SHISA9: variants seen among roughly 807,000 people sequenced by gnomAD.
SHISA9 encodes shisa family member 9.
In SHISA9, 13 loss-of-function variants were observed where a neutral mutation model predicts 38.0. The observed-to-expected ratio is 0.34, with a 90% CI of 0.22 to 0.54. SHISA9 has a LOEUF of 0.54. Ranked by LOEUF, SHISA9 falls within the 20% of genes least tolerant of loss-of-function variation. The pLI is 0.91. For missense variants in SHISA9, 538 were observed against 575.8 expected (o/e 0.93, Z 0.67); for synonymous variants, 275 against 242.0 (o/e 1.14, Z -1.27).
chr16:13,304,770 C>G, the SHISA9 span, among the ~76,000 whole-genome samples: 1 of 152,154 alleles, frequency 6.6e-6, no homozygotes, highest in African/African-American at 2.4e-5. Flanking sequence ...GCAACACACC[C>G]AGAGCTGAAA....
intron 2 of SHISA9, among the ~76,000 whole-genome samples, chr16:13,193,024 C>G (rs559106746): frequency 6.6e-6 from 1 of 152,310 alleles, no homozygotes; most frequent in African/African-American, 2.4e-5. Flanking sequence ...GTTTTCTCAT[C>G]TGACTGGGAA....
chr16:13,230,734 T>C (rs112490622), intron 4 of SHISA9, among the ~76,000 whole-genome samples: 29,209 of 152,132 alleles, frequency 0.19, 3,081 homozygotes, highest in Admixed American at 0.32. Context: ...AAAAGAATGG[T>C]TACTCCATAG....
At chr16:13,026,798 G>A (rs546376780) in intron 2 of SHISA9, among the ~76,000 whole-genome samples, 1 of 152,148 alleles carries the variant, frequency 6.6e-6, no homozygotes, top group Admixed American at 6.5e-5. Flanking sequence ...TGCAGATAAA[G>A]CACTTGACAT....
At chr16:13,057,635 GA>G (rs1177464949) in intron 2 of SHISA9, among the ~76,000 whole-genome samples, 2 of 152,050 alleles carry the variant, frequency 1.3e-5, no homozygotes, top group Non-Finnish European at 2.9e-5. Flanking sequence ...CTAAATAAGT[GA>G]TACTTTTTTA....
At chr16:12,914,387 C>T (rs371144999) in intron 1 of SHISA9, among the ~76,000 whole-genome samples, 83 of 152,126 alleles carry the variant, frequency 5.5e-4, no homozygotes, top group African/African-American at 1.9e-3. Context: ...TTTAAATCTT[C>T]TCCCATAGAA....
At chr16:13,325,476 G>A in the SHISA9 span, among the ~76,000 whole-genome samples, 2 of 152,314 alleles carry the variant, frequency 1.3e-5, no homozygotes, top group South Asian at 4.1e-4. Context: ...CTTTGGCCAA[G>A]ATGGGATCCA....
chr16:13,274,992 G>A, the SHISA9 span, among the ~76,000 whole-genome samples: 1 of 152,120 alleles, frequency 6.6e-6, no homozygotes, highest in Non-Finnish European at 1.5e-5. Context: ...CAGGAGACCT[G>A]TCACTCACTA....
At chr16:13,268,427 T>G in the SHISA9 span, among the ~76,000 whole-genome samples, 1 of 152,180 alleles carries the variant, frequency 6.6e-6, no homozygotes, top group African/African-American at 2.4e-5. Context: ...GAGAATCGCT[T>G]GAACCTGGGA....
chr16:13,259,539 C>G, the SHISA9 span, among the ~76,000 whole-genome samples: 3 of 152,360 alleles, frequency 2.0e-5, no homozygotes, highest in Non-Finnish European at 4.4e-5. Flanking sequence ...CAGAGGTTCT[C>G]CATGAGGGCC....
At chr16:13,392,346 G>T in the SHISA9 span, among the ~76,000 whole-genome samples, 1 of 152,088 alleles carries the variant, frequency 6.6e-6, no homozygotes, top group Non-Finnish European at 1.5e-5. Flanking sequence ...CATGGTAAAA[G>T]TGGAAAGCAT....
downstream of SHISA9, among the ~76,000 whole-genome samples, chr16:13,242,415 A>G (rs1005930114): frequency 6.6e-6 from 1 of 152,148 alleles, no homozygotes; most frequent in African/African-American, 2.4e-5. Context: ...CTATGATGAG[A>G]AGCCTTGCAC....
At chr16:13,505,591 T>C in the SHISA9 span, among the ~76,000 whole-genome samples, 3 of 152,082 alleles carry the variant, frequency 2.0e-5, no homozygotes, top group Non-Finnish European at 4.4e-5. Flanking sequence ...AGATGTGGAG[T>C]GGTTCACAGT....
the SHISA9 span, among the ~76,000 whole-genome samples, chr16:13,260,337 T>C: frequency 3.5e-4 from 54 of 152,212 alleles, no homozygotes; most frequent in South Asian, 3.5e-3. Context: ...TTCTATTGCA[T>C]AGTCAGGCTG....
intron 2 of SHISA9, among the ~76,000 whole-genome samples, chr16:13,137,247 C>T (rs1340296607): frequency 6.6e-6 from 1 of 152,044 alleles, no homozygotes; most frequent in African/African-American, 2.4e-5. Flanking sequence ...ATAATAGATG[C>T]TGTTGTGTGG....
chr16:12,920,990 T>C (rs72782640), intron 2 of SHISA9, among the ~76,000 whole-genome samples: 11,939 of 152,226 alleles, frequency 0.078, 456 homozygotes, highest in East Asian at 0.11. Context: ...ACTGCCACAG[T>C]GTAAAACGTG....
chr16:13,300,006 G>A, the SHISA9 span, among the ~76,000 whole-genome samples: 5 of 152,108 alleles, frequency 3.3e-5, no homozygotes, highest in Non-Finnish European at 7.4e-5. Flanking sequence ...GCCTTCCTTA[G>A]GCTTATGTTT....
chr16:13,503,687 C>A, the SHISA9 span, among the ~76,000 whole-genome samples: 44 of 148,300 alleles, frequency 3.0e-4, no homozygotes, highest in South Asian at 6.4e-4. Flanking sequence ...AAGGAGTGAC[C>A]AAAAAAAAAA....
chr16:13,331,443 A>G, the SHISA9 span: 4 of 151,980 alleles, frequency 2.6e-5, no homozygotes, highest in East Asian at 7.7e-4. Context: ...TCTTCTTTCT[A>G]TGATCTCATG....
the SHISA9 span, among the ~76,000 whole-genome samples, chr16:13,336,348 C>G: frequency 1.3e-5 from 2 of 152,172 alleles, no homozygotes; most frequent in African/African-American, 2.4e-5. Context: ...TTGATAAAAC[C>G]ACATTAGGTT....
Sources: gnomAD v4.1 joint callset for allele counts (sites outside exome capture counted in the v4.1 genomes callset) on GRCh38, gnomAD v4.1.1 for gene constraint, MANE v1.5 for transcripts, NCBI Gene and HGNC (gene_info 2026-07-23, HGNC 2026-07-21) for gene names.